EYS: variants seen among roughly 807,000 people sequenced by gnomAD.
The protein encoded by EYS is EGF-like photoreceptor maintenance factor.
EYS carries 250 observed loss-of-function variants against 282.1 expected under a neutral mutation model. The observed-to-expected ratio is 0.89, with a 90% CI of 0.80 to 0.98. EYS has a LOEUF of 0.98. Among genes scored for constraint, EYS ranks in the 50% least tolerant of loss-of-function variants. EYS has a pLI of 0.00. For synonymous variants in EYS, 1,355 were observed against 1,282.9 expected (o/e 1.06, Z -1.20); for missense variants, 4,016 against 3,709.0 (o/e 1.08, Z -2.15).
intron 12 of EYS, among the ~76,000 whole-genome samples, chr6:65,249,950 C>T (rs116637409): frequency 6.7e-4 from 102 of 152,074 alleles, no homozygotes; most frequent in Middle Eastern, 3.4e-3. Context: ...TGAAGAGACC[C>T]GCTATACCAG....
chr6:64,001,234 A>G (rs566888136), intron 33 of EYS, among the ~76,000 whole-genome samples: 8 of 152,356 alleles, frequency 5.3e-5, no homozygotes, highest in Admixed American at 3.9e-4. Context: ...GAATCACATT[A>G]TTTAATGTAC....
At chr6:65,172,783 G>A (rs926346650) in intron 12 of EYS, among the ~76,000 whole-genome samples, 11 of 151,210 alleles carry the variant, frequency 7.3e-5, no homozygotes, top group South Asian at 2.1e-4. Flanking sequence ...TTAATATCAC[G>A]TCAAATAATA....
At chr6:65,348,828 A>G (rs1295123118) in intron 9 of EYS, among the ~76,000 whole-genome samples, 1 of 151,670 alleles carries the variant, frequency 6.6e-6, no homozygotes, top group Non-Finnish European at 1.5e-5. Context: ...GTTTTCTTTT[A>G]GTAGTTTCAT....
rs1216153683 is a variant in EYS at position 64,053,684 on chromosome 6, T to C, written c.6725+12654A>G. On this transcript the variant is annotated intron_variant, in intron 33 of 42. Coordinates refer to ENST00000503581, the MANE Select transcript of EYS (RefSeq NM_001142800.2). ...AAGACCAAGAAGTATGCTTAGACAA[T>C]AGTAAGAGCTTAATTAGTGATAGCT... Among the ~76,000 whole-genome samples the C allele has an allele frequency of 6.6e-5, 10 of 152,120 alleles. 1 individual carries two copies. In the South Asian group the frequency reaches 2.1e-3, roughly 31 times the overall value.
At position 64,158,938 on chromosome 6, in the gene EYS, G is replaced by T. The variant is rs117668919; in HGVS notation, c.6424+71654C>A. Among the ~76,000 whole-genome samples, 447 of 152,290 alleles carry T rather than the reference G, an allele frequency of 2.9e-3. 3 individuals are homozygous for T. The East Asian group carries it at 0.064, about 22-fold the overall frequency. On this transcript the variant is annotated intron_variant, in intron 31 of 42. Coordinates refer to ENST00000503581, the MANE Select transcript of EYS (RefSeq NM_001142800.2). ...TAGTGAACACCTATGTGCAAGAATA[G>T]TGTTGGGTGTTGTGGACAAATTAAT...
chr6:65,408,766 G>T (rs953228569), intron 5 of EYS, among the ~76,000 whole-genome samples: 6 of 152,026 alleles, frequency 3.9e-5, no homozygotes, highest in South Asian at 2.1e-4. Flanking sequence ...CATTTAATGT[G>T]GTTTTTTTCC....
chr6:64,975,918 A>G (rs1422813969), intron 14 of EYS, among the ~76,000 whole-genome samples: 1 of 151,906 alleles, frequency 6.6e-6, no homozygotes, highest in Non-Finnish European at 1.5e-5. Context: ...GATTTTTTTA[A>G]AAAAAGCTAA....
At chr6:64,996,742 AT>A (rs1258718457) in intron 14 of EYS, among the ~76,000 whole-genome samples, 6 of 152,170 alleles carry the variant, frequency 3.9e-5, no homozygotes, top group Non-Finnish European at 8.8e-5. Flanking sequence ...TGTTCCTTCT[AT>A]TGTAAAAACA....
intron 12 of EYS, among the ~76,000 whole-genome samples, chr6:65,162,570 A>G (rs1397799817): frequency 6.0e-5 from 9 of 151,206 alleles, no homozygotes; most frequent in African/African-American, 1.7e-4. Context: ...CCATTTTTCA[A>G]TTAACTAATT....
At chr6:63,731,931 C>T (rs1267052164) in intron 41 of EYS, among the ~76,000 whole-genome samples, 1 of 151,948 alleles carries the variant, frequency 6.6e-6, no homozygotes, top group Non-Finnish European at 1.5e-5. Flanking sequence ...ACCTATTTGG[C>T]TTTGCTGCTT....
chr6:64,541,805 T>C (rs116240269), intron 26 of EYS, among the ~76,000 whole-genome samples: 361 of 152,306 alleles, frequency 2.4e-3, no homozygotes, highest in African/African-American at 8.5e-3. Flanking sequence ...TGCAAGGATT[T>C]GTGAGAATGA....
intron 12 of EYS, among the ~76,000 whole-genome samples, chr6:65,242,117 T>C (rs1178555946): frequency 6.6e-6 from 1 of 152,110 alleles, no homozygotes; most frequent in African/African-American, 2.4e-5. Flanking sequence ...AATTTCTATG[T>C]ATTTTTTAAA....
intron 19 of EYS, among the ~76,000 whole-genome samples, chr6:64,831,075 C>T (rs941460010): frequency 6.6e-6 from 1 of 151,946 alleles, no homozygotes; most frequent in African/African-American, 2.4e-5. Flanking sequence ...CAACATCTTC[C>T]TTTCCCAGTC....
intron 35 of EYS, among the ~76,000 whole-genome samples, chr6:63,951,176 G>A (rs2149765633): frequency 1.3e-5 from 2 of 152,008 alleles, no homozygotes; most frequent in South Asian, 4.2e-4. Context: ...TTCTCCCTTA[G>A]CCTGTGTTTT....
At chr6:65,582,029 AAT>A (rs369557604) in intron 2 of EYS, among the ~76,000 whole-genome samples, 4 of 150,102 alleles carry the variant, frequency 2.7e-5, no homozygotes, top group Non-Finnish European at 3.0e-5. Flanking sequence ...TTCTACTAAA[AAT>A]ATATATATAT....
At chr6:63,905,239 C>CT (rs1319888459) in intron 35 of EYS, among the ~76,000 whole-genome samples, 3 of 114,432 alleles carry the variant, frequency 2.6e-5, no homozygotes. Flanking sequence ...TGTATCAGTA[C>CT]TTTGTTCCCT....
rs539991548 is a variant in EYS at position 65,174,133 on chromosome 6, C to T, written c.2024-116406G>A. Among the ~76,000 whole-genome samples the T allele has an allele frequency of 1.3e-4, 19 of 151,306 alleles. No homozygotes were observed. In the South Asian group the frequency reaches 3.7e-3, roughly 30 times the overall value. On this transcript the variant is annotated intron_variant, in intron 12 of 42. Transcript: ENST00000503581. ...AAATTTTTAAAGCAAACTTCACCCA[C>T]AAACCCAACAGATGGTAAATCTACA...
At chr6:65,391,630 T>C (rs1766036899) in intron 7 of EYS, among the ~76,000 whole-genome samples, 1 of 152,056 alleles carries the variant, frequency 6.6e-6, no homozygotes, top group Non-Finnish European at 1.5e-5. Flanking sequence ...GAAGGACCTC[T>C]TCAAGGAGAA....
chr6:64,907,408 C>T (rs1767863069), intron 16 of EYS, among the ~76,000 whole-genome samples: 1 of 152,086 alleles, frequency 6.6e-6, no homozygotes, highest in Admixed American at 6.6e-5. Context: ...CCAGTTTATT[C>T]AACCTTTCCC....
Sources: gnomAD v4.1 joint callset for allele counts (sites outside exome capture counted in the v4.1 genomes callset) on GRCh38, gnomAD v4.1.1 for gene constraint, MANE v1.5 for transcripts, NCBI Gene and HGNC (gene_info 2026-07-23, HGNC 2026-07-21) for gene names.